Variants in SPIDR observed in about 807,000 individuals in gnomAD.
The protein encoded by SPIDR is scaffold protein involved in DNA repair.
A neutral mutation model predicts 104.6 loss-of-function variants in SPIDR; 93 were observed. That is an observed-to-expected ratio of 0.89 (90% CI 0.75 to 1.06). The LOEUF (loss-of-function observed/expected upper bound fraction) is 1.06, where lower values mean the gene tolerates loss of function less well. Among genes scored for constraint, SPIDR ranks in the 50% least tolerant of loss-of-function variants. The pLI is 0.00. For missense variants in SPIDR, 1,154 were observed against 1,111.2 expected (o/e 1.04, Z -0.55); for synonymous variants, 431 against 416.9 (o/e 1.03, Z -0.41).
intron 8 of SPIDR, among the ~76,000 whole-genome samples, chr8:47,483,134 TTTTG>T (rs1397884293): frequency 5.7e-5 from 8 of 140,026 alleles, no homozygotes; most frequent in African/African-American, 1.8e-4. Context: ...CTTGGTTTTT[TTTTG>T]TTTGTTTTGT....
chr8:47,278,546 T>C (rs911866649), intron 1 of SPIDR, among the ~76,000 whole-genome samples: 3 of 152,010 alleles, frequency 2.0e-5, no homozygotes. Context: ...CTGACTAATT[T>C]TTCTAAGGAC....
At chr8:47,586,067 C>G (rs565775704) in intron 8 of SPIDR, among the ~76,000 whole-genome samples, 1 of 152,236 alleles carries the variant, frequency 6.6e-6, no homozygotes, top group African/African-American at 2.4e-5. Context: ...TATCAATAGT[C>G]TGTTTCTTTT....
chr8:47,502,167 G>C (rs1247220984), intron 8 of SPIDR, among the ~76,000 whole-genome samples: 1 of 152,172 alleles, frequency 6.6e-6, no homozygotes, highest in Non-Finnish European at 1.5e-5. Flanking sequence ...AAATGAGTTA[G>C]GGACGATTCC....
At chr8:47,308,556 G>A (rs1356680252) in intron 5 of SPIDR, among the ~76,000 whole-genome samples, 1 of 145,022 alleles carries the variant, frequency 6.9e-6, no homozygotes, top group Non-Finnish European at 1.5e-5. Context: ...TTCAAATGCC[G>A]TAGTCTTTAA....
rs559413035 is a variant in SPIDR, at chr8:47,410,061, C to T, written c.877+2100C>T. Reference sequence around the variant, plus strand: ...TACAAAAAACTCCTTTCCCAGCTGTCGCTTAGCAATTGCCTTCTCTCACAT... The same window carrying T: ...TACAAAAAACTCCTTTCCCAGCTGTTGCTTAGCAATTGCCTTCTCTCACAT... On this transcript the variant is annotated intron_variant, in intron 7 of 19. Coordinates refer to ENST00000297423, the MANE Select transcript of SPIDR (RefSeq NM_001080394.4). 7.2e-5 allele frequency among the ~76,000 whole-genome samples: 11 copies of T among 152,158 alleles called. No individual in the cohort carries two copies. In the East Asian group the frequency reaches 7.7e-4, roughly 11 times the overall value.
At chr8:47,287,032 G>T (rs1356048273) in intron 3 of SPIDR, among the ~76,000 whole-genome samples, 1 of 152,160 alleles carries the variant, frequency 6.6e-6, no homozygotes, top group Non-Finnish European at 1.5e-5. Context: ...AGAGTACAAG[G>T]AGAGGAATTT....
At chr8:47,309,441 T>C (rs2043722732) in intron 5 of SPIDR, among the ~76,000 whole-genome samples, 1 of 152,184 alleles carries the variant, frequency 6.6e-6, no homozygotes, top group Non-Finnish European at 1.5e-5. Flanking sequence ...TGAGTAACTG[T>C]AGGTACCAAT....
At chr8:47,590,440 A>G (rs1564414075) in intron 8 of SPIDR, among the ~76,000 whole-genome samples, 1 of 152,176 alleles carries the variant, frequency 6.6e-6, no homozygotes, top group Non-Finnish European at 1.5e-5. Flanking sequence ...TGGATTATTT[A>G]GAAATATGTT....
At chr8:47,334,203 T>C (rs569811066) in intron 5 of SPIDR, among the ~76,000 whole-genome samples, 1 of 152,348 alleles carries the variant, frequency 6.6e-6, no homozygotes, top group African/African-American at 2.4e-5. Flanking sequence ...GTTATCTGTT[T>C]TGATGAATGT....
chr8:47,605,476 T>C (rs766314844), intron 10 of SPIDR, among the ~76,000 whole-genome samples: 1 of 152,336 alleles, frequency 6.6e-6, no homozygotes, highest in African/African-American at 2.4e-5. Context: ...CAAATTTACA[T>C]AGAACAAAAG....
At chr8:47,445,940 A>G (rs1200832729) in intron 8 of SPIDR, among the ~76,000 whole-genome samples, 4 of 152,252 alleles carry the variant, frequency 2.6e-5, no homozygotes, top group East Asian at 1.9e-4. Flanking sequence ...AAGTTGATTC[A>G]TGAGATTTAA....
chr8:47,429,135 A>G (rs1554687252), intron 7 of SPIDR, among the ~76,000 whole-genome samples: 1 of 152,230 alleles, frequency 6.6e-6, no homozygotes, highest in South Asian at 2.1e-4. Flanking sequence ...CATAATTTCC[A>G]GTGACCATTT....
chr8:47,326,913 T>C (rs781863776), intron 5 of SPIDR, among the ~76,000 whole-genome samples: 7 of 152,230 alleles, frequency 4.6e-5, no homozygotes, highest in Admixed American at 1.3e-4. Context: ...AGAACCCTGG[T>C]TTACACATTT....
intron 10 of SPIDR, among the ~76,000 whole-genome samples, chr8:47,624,042 G>A (rs966231077): frequency 1.7e-4 from 26 of 152,206 alleles, no homozygotes; most frequent in Admixed American, 2.0e-4. Flanking sequence ...CTGTCTCTCA[G>A]ACCACAGTGC....
intron 9 of SPIDR, among the ~76,000 whole-genome samples, chr8:47,598,520 T>C (rs562911529): frequency 3.3e-5 from 5 of 152,330 alleles, no homozygotes; most frequent in South Asian, 2.1e-4. Flanking sequence ...GCCTAGGAGA[T>C]TGCACATACA....
intron 7 of SPIDR, among the ~76,000 whole-genome samples, chr8:47,414,711 T>G (rs1172475293): frequency 6.6e-6 from 1 of 152,226 alleles, no homozygotes; most frequent in African/African-American, 2.4e-5. Context: ...CACAGTTTGT[T>G]TAACTGTTCG....
At chr8:47,348,980 C>T (rs782610543) in intron 5 of SPIDR, among the ~76,000 whole-genome samples, 2 of 152,170 alleles carry the variant, frequency 1.3e-5, no homozygotes, top group Non-Finnish European at 2.9e-5. Context: ...CTCCGTCCAG[C>T]TTTATTTGAT....
intron 8 of SPIDR, among the ~76,000 whole-genome samples, chr8:47,456,683 A>G (rs943433788): frequency 7.2e-5 from 11 of 152,062 alleles, no homozygotes; most frequent in Admixed American, 1.3e-4. Flanking sequence ...TTTAGTGGCA[A>G]TTTGTGAGAC....
chr8:47,273,988 T>G (rs1328611944), intron 1 of SPIDR, among the ~76,000 whole-genome samples: 31 of 152,276 alleles, frequency 2.0e-4, no homozygotes, highest in African/African-American at 7.2e-4. Context: ...CTCTAATCAC[T>G]TGGCCTTTTT....
Sources: gnomAD v4.1 joint callset for allele counts (sites outside exome capture counted in the v4.1 genomes callset) on GRCh38, gnomAD v4.1.1 for gene constraint, MANE v1.5 for transcripts, NCBI Gene and HGNC (gene_info 2026-07-23, HGNC 2026-07-21) for gene names.